OR9Q1: variants seen among roughly 807,000 people sequenced by gnomAD.
OR9Q1 encodes olfactory receptor 9Q1.
For missense variants in OR9Q1, 374 were observed against 378.8 expected, an observed-to-expected ratio of 0.99 and a Z score of 0.11; for synonymous variants, 153 against 148.6, an observed-to-expected ratio of 1.03 and a Z score of -0.22.
chr11:58,056,005 C>T (rs1320997977), intron 2 of OR9Q1, 58 bp downstream of exon 2: 1 of 152,120 alleles, frequency 6.6e-6, no homozygotes, highest in African/African-American at 2.4e-5. Context: ...TTTGTTATAG[C>T]AGCACAAATG....
intron 2 of OR9Q1, among the ~76,000 whole-genome samples, chr11:58,089,037 C>T (rs1411716640): frequency 6.6e-6 from 1 of 151,602 alleles, no homozygotes; most frequent in East Asian, 1.9e-4. Flanking sequence ...TCACCAGGCC[C>T]AGCTAATTTT....
At chr11:58,038,076 T>C (rs1444792689) in intron 1 of OR9Q1, among the ~76,000 whole-genome samples, 1 of 151,788 alleles carries the variant, frequency 6.6e-6, no homozygotes, top group Non-Finnish European at 1.5e-5. Context: ...CGGTAAAAAG[T>C]CTGATGCATA....
chr11:58,122,319 AG>A (rs1452780420), intron 2 of OR9Q1, among the ~76,000 whole-genome samples: 1 of 152,184 alleles, frequency 6.6e-6, no homozygotes, highest in Non-Finnish European at 1.5e-5. Context: ...TCTGGGGACG[AG>A]TCAGCTTCTT....
chr11:58,120,807 T>TATAC (rs1314633696), intron 2 of OR9Q1, among the ~76,000 whole-genome samples: 1 of 90,200 alleles, frequency 1.1e-5, no homozygotes, highest in Non-Finnish European at 2.8e-5. Context: ...CAATACCATA[T>TATAC]ATATATATAT....
chr11:58,079,536 C>G (rs1853569419), intron 2 of OR9Q1, among the ~76,000 whole-genome samples: 1 of 152,118 alleles, frequency 6.6e-6, no homozygotes, highest in South Asian at 2.1e-4. Context: ...CTGAATTTAT[C>G]TCTCCATTTC....
chr11:58,161,476 G>A (rs992103659), intron 2 of OR9Q1, among the ~76,000 whole-genome samples: 17 of 151,876 alleles, frequency 1.1e-4, no homozygotes, highest in East Asian at 5.8e-4. Context: ...AGCTGTAATC[G>A]TGGCTTGGCT....
chr11:58,038,900 G>T (rs777281407), intron 1 of OR9Q1, among the ~76,000 whole-genome samples: 4 of 152,050 alleles, frequency 2.6e-5, no homozygotes, highest in Non-Finnish European at 5.9e-5. Flanking sequence ...CTGATTTTTA[G>T]GGTGTGTCTG....
intron 2 of OR9Q1, among the ~76,000 whole-genome samples, chr11:58,080,689 G>A (rs1051049752): frequency 6.6e-6 from 1 of 152,046 alleles, no homozygotes; most frequent in Non-Finnish European, 1.5e-5. Context: ...ATTCTGACTG[G>A]TGTGTGATGG....
intron 1 of OR9Q1, among the ~76,000 whole-genome samples, chr11:58,025,314 C>T (rs2119895558): frequency 6.6e-6 from 1 of 152,282 alleles, no homozygotes; most frequent in Non-Finnish European, 1.5e-5. Context: ...GCTGGGGTGC[C>T]CGCCGTGCTA....
intron 2 of OR9Q1, among the ~76,000 whole-genome samples, chr11:58,101,935 G>A (rs112605813): frequency 2.5e-3 from 385 of 152,060 alleles, no homozygotes; most frequent in African/African-American, 8.8e-3. Context: ...TAGTACAGAC[G>A]GGGTTTCTTC....
chr11:58,037,406 G>C (rs1853110194), intron 1 of OR9Q1, among the ~76,000 whole-genome samples: 1 of 151,822 alleles, frequency 6.6e-6, no homozygotes, highest in Non-Finnish European at 1.5e-5. Context: ...GGGTATGCCT[G>C]TAGACTTTCA....
In OR9Q1 at chr11:58,105,609, T is replaced by C. The variant is rs534582003; in HGVS notation, c.-15+49662T>C. 1.1e-3 allele frequency among the ~76,000 whole-genome samples: 170 copies of C among 152,304 alleles called. 1 individual carries two copies. Among genetic ancestry groups the C allele is most frequent in the African/African-American group, 4.0e-3 (165 of 41,584 alleles). ...TAGATCTCTGGGACTTATTCATCTT[T>C]TTTAAGTGTAACTTCATATCCATTT... On this transcript the variant is annotated intron_variant, in intron 2 of 2. Transcript: ENST00000335397.
chr11:58,108,904 C>A, intron 2 of OR9Q1: 1 of 360,348 alleles, frequency 2.8e-6, no homozygotes, highest in South Asian at 2.1e-5. Flanking sequence ...GGCAAGTGTC[C>A]CAAAGAAGAG....
At chr11:58,154,379 A>ATT (rs3085835) in intron 2 of OR9Q1, among the ~76,000 whole-genome samples, 3,159 of 140,920 alleles carry the variant, frequency 0.022, 67 homozygotes, top group African/African-American at 0.049. Flanking sequence ...AATGCAATGG[A>ATT]TTTTTTTTTT....
chr11:58,081,590 A>G (rs557722564), intron 2 of OR9Q1, among the ~76,000 whole-genome samples: 413 of 151,848 alleles, frequency 2.7e-3, no homozygotes, highest in Middle Eastern at 0.02. Context: ...TTGTTTTCAT[A>G]TGTTTGTTGG....
At chr11:58,059,654 C>T (rs1025836404) in intron 2 of OR9Q1, among the ~76,000 whole-genome samples, 1 of 122,344 alleles carries the variant, frequency 8.2e-6, no homozygotes, top group African/African-American at 3.1e-5. Flanking sequence ...CACCACTGCA[C>T]TCCTGCCTGG....
chr11:58,153,681 G>C (rs528161095), intron 2 of OR9Q1, among the ~76,000 whole-genome samples: 3 of 152,176 alleles, frequency 2.0e-5, no homozygotes, highest in Non-Finnish European at 2.9e-5. Context: ...CCAGCAGTTT[G>C]CAATCTCTAT....
intron 1 of OR9Q1, among the ~76,000 whole-genome samples, chr11:58,026,378 G>A (rs1490046999): frequency 1.3e-5 from 2 of 152,002 alleles, no homozygotes; most frequent in Non-Finnish European, 2.9e-5. Context: ...ACATGTGCAG[G>A]CTTGTTAAAA....
chr11:58,046,587 C>G (rs1011128267), intron 1 of OR9Q1, among the ~76,000 whole-genome samples: 1 of 152,144 alleles, frequency 6.6e-6, no homozygotes, highest in Non-Finnish European at 1.5e-5. Flanking sequence ...CTCAGCTGAT[C>G]GTGGTGGCTC....
Sources: gnomAD v4.1 joint callset for allele counts (sites outside exome capture counted in the v4.1 genomes callset) on GRCh38, gnomAD v4.1.1 for gene constraint, MANE v1.5 for transcripts, NCBI Gene and HGNC (gene_info 2026-07-23, HGNC 2026-07-21) for gene names.